Variants in MAP2K1 observed in about 807,000 individuals in gnomAD.
The protein encoded by MAP2K1 is dual specificity mitogen-activated protein kinase kinase 1.
A neutral mutation model predicts 46.3 loss-of-function variants in MAP2K1; 16 were observed. The ratio of observed to expected loss-of-function variants is 0.35; its 90% CI spans 0.23 to 0.52. The LOEUF (loss-of-function observed/expected upper bound fraction) is 0.52, where lower values mean the gene tolerates loss of function less well. Ranked by LOEUF, MAP2K1 falls within the 20% of genes least tolerant of loss-of-function variation. The pLI is 0.94. For missense variants in MAP2K1, 263 were observed against 497.1 expected (o/e 0.53, Z 4.48); for synonymous variants, 183 against 185.6 (o/e 0.99, Z 0.11).
chr15:66,433,638 A>G (rs537307566), intron 1 of MAP2K1, among the ~76,000 whole-genome samples: 1 of 152,238 alleles, frequency 6.6e-6, no homozygotes, highest in East Asian at 1.9e-4. Flanking sequence ...GAGGTTTGGG[A>G]TAGAGGGTGT....
At chr15:66,489,602 T>TCAAG in intron 9 of MAP2K1, 116 bp from the exon 10 acceptor site, 1 of 845,400 alleles carries the variant, frequency 1.2e-6, no homozygotes, top group South Asian at 1.3e-5. Flanking sequence ...GGAGGATGAA[T>TCAAG]CAAGCCCAGG....
chr15:66,409,536 C>T (rs2093406233), intron 1 of MAP2K1, among the ~76,000 whole-genome samples: 2 of 152,156 alleles, frequency 1.3e-5, no homozygotes, highest in East Asian at 1.9e-4. Flanking sequence ...TCCTCCGCCA[C>T]GCCTCTGGGG....
In MAP2K1 at chr15:66,469,250, C is replaced by T. The variant is rs181823648; in HGVS notation, c.569-12505C>T. ...CAGCCTGGGCGACAGAGCAAGACTCCGTCTCAAAATAAAAGTTTTTTAAAC... is the reference window on the plus strand; with the variant it reads ...CAGCCTGGGCGACAGAGCAAGACTCTGTCTCAAAATAAAAGTTTTTTAAAC... On this transcript the variant is annotated intron_variant, in intron 5 of 10. Coordinates refer to ENST00000307102, the MANE Select transcript of MAP2K1 (RefSeq NM_002755.4). Among the ~76,000 whole-genome samples the T allele has an allele frequency of 3.0e-3, 461 of 152,250 alleles. 1 individual carries two copies. Among genetic ancestry groups the T allele is most frequent in the African/African-American group, 0.01 (421 of 41,570 alleles).
chr15:66,469,792 A>G (rs1286574941), intron 5 of MAP2K1, among the ~76,000 whole-genome samples: 1 of 148,088 alleles, frequency 6.8e-6, no homozygotes, highest in Non-Finnish European at 1.5e-5. Context: ...ATCTGTTTAA[A>G]TCTCATTGCC....
chr15:66,419,849 C>G (rs1316552547), intron 1 of MAP2K1, among the ~76,000 whole-genome samples: 1 of 151,868 alleles, frequency 6.6e-6, no homozygotes, highest in Non-Finnish European at 1.5e-5. Flanking sequence ...ATATGTGATT[C>G]TTATTCTACC....
At chr15:66,396,617 G>A (rs114578421) in intron 1 of MAP2K1, among the ~76,000 whole-genome samples, 1,889 of 152,182 alleles carry the variant, frequency 0.012, 33 homozygotes, top group African/African-American at 0.042. Context: ...TATCTCCAAT[G>A]TGTGTAGTCT....
rs576922968 is a variant in MAP2K1, at chr15:66,490,697, C to T, written c.*82C>T. The T allele has an allele frequency of 2.1e-6, 2 of 951,160 alleles. No individual in the cohort carries two copies. The highest frequency in any genetic ancestry group is 3.5e-5 in the Admixed American group (2 of 57,622). 58.9% of individuals were successfully genotyped at this position (951,160 alleles called of 1,614,324 possible). ...TTGGGCCTCCTTCCCATGCCTGTCT[C>T]TGTTCAGATGTGCATTTCACCTGTG... On this transcript the variant is annotated 3_prime_UTR_variant, in exon 11 of 11. Coordinates refer to ENST00000307102, the MANE Select transcript of MAP2K1 (RefSeq NM_002755.4).
chr15:66,487,094 C>T, intron 7 of MAP2K1, 134 bp from the exon 8 acceptor site: 1 of 740,580 alleles, frequency 1.4e-6, no homozygotes, highest in Non-Finnish European at 2.4e-6. Context: ...TGTGTTCAAG[C>T]CTTATCTGTG....
intron 1 of MAP2K1, among the ~76,000 whole-genome samples, chr15:66,395,737 G>C (rs546519922): frequency 6.6e-6 from 1 of 151,014 alleles, no homozygotes; most frequent in Non-Finnish European, 1.5e-5. Flanking sequence ...CCACCACGCC[G>C]GGCTAATTCT....
rs150058972 is a variant in MAP2K1 at position 66,417,316 on chromosome 15, T to C, written c.81-17711T>C. On this transcript the variant is annotated intron_variant, in intron 1 of 10. Transcript: ENST00000307102. ...CAGGTGCAGTGTCTTACGCCTGTAA[T>C]CCCCGCACTTTGGGAGGCTTAGGTG... 2.1e-4 allele frequency among the ~76,000 whole-genome samples: 32 copies of C among 152,254 alleles called. No individual in the cohort carries two copies. The East Asian group carries it at 5.0e-3, about 24-fold the overall frequency.
At chr15:66,430,262 G>A (rs889841919) in intron 1 of MAP2K1, among the ~76,000 whole-genome samples, 1 of 152,080 alleles carries the variant, frequency 6.6e-6, no homozygotes. Flanking sequence ...ATGCCACAGG[G>A]GAAGGAGAAC....
At chr15:66,396,225 C>T (rs1042646881) in intron 1 of MAP2K1, among the ~76,000 whole-genome samples, 2 of 152,046 alleles carry the variant, frequency 1.3e-5, no homozygotes, top group African/African-American at 2.4e-5. Context: ...TGTCGTGATC[C>T]GCCCTCCTCG....
At chr15:66,408,521 C>T (rs1247033437) in intron 1 of MAP2K1, among the ~76,000 whole-genome samples, 2 of 151,822 alleles carry the variant, frequency 1.3e-5, no homozygotes, top group Non-Finnish European at 2.9e-5. Flanking sequence ...GGAAGATTTC[C>T]TGATGTATGT....
At chr15:66,425,051 C>T (rs2093454223) in intron 1 of MAP2K1, among the ~76,000 whole-genome samples, 1 of 152,066 alleles carries the variant, frequency 6.6e-6, no homozygotes, top group South Asian at 2.1e-4. Flanking sequence ...CCGCCTCGGC[C>T]TCCTAAAGTG....
intron 5 of MAP2K1, among the ~76,000 whole-genome samples, chr15:66,449,554 A>G (rs1891977701): frequency 6.6e-6 from 1 of 152,218 alleles, no homozygotes; most frequent in South Asian, 2.1e-4. Context: ...AGGTGTGAAC[A>G]TTTTTGAAAA....
At chr15:66,480,263 A>G (rs1464698893) in intron 5 of MAP2K1, among the ~76,000 whole-genome samples, 1 of 151,774 alleles carries the variant, frequency 6.6e-6, no homozygotes, top group African/African-American at 2.4e-5. Context: ...TAATTTTTGT[A>G]TTTTTAGTAG....
intron 5 of MAP2K1, among the ~76,000 whole-genome samples, chr15:66,470,570 A>G (rs1892609007): frequency 6.6e-6 from 1 of 152,222 alleles, no homozygotes; most frequent in Non-Finnish European, 1.5e-5. Context: ...TGTACAGCAA[A>G]ATAAACTTTA....
rs761330415 is a variant in MAP2K1, at chr15:66,490,663, A to G, written c.*48A>G. ...CGAGTCCCCTGCCCGGTGGTTTGCCATGTCGCTTTTGGGCCTCCTTCCCAT... is the reference window on the plus strand; with the variant it reads ...CGAGTCCCCTGCCCGGTGGTTTGCCGTGTCGCTTTTGGGCCTCCTTCCCAT... On this transcript the variant is annotated 3_prime_UTR_variant, in exon 11 of 11. Coordinates refer to ENST00000307102, the MANE Select transcript of MAP2K1 (RefSeq NM_002755.4). The G allele has an allele frequency of 8.8e-6, 13 of 1,482,504 alleles. No individual in the cohort carries two copies. The highest frequency in any genetic ancestry group is 1.7e-5 in the Admixed American group (1 of 59,828). The allele number at this position is 1,482,504 out of a possible 1,614,324, so 91.8% of individuals were successfully genotyped here.
At chr15:66,462,558 G>A (rs1892352948) in intron 5 of MAP2K1, among the ~76,000 whole-genome samples, 2 of 151,148 alleles carry the variant, frequency 1.3e-5, no homozygotes, top group Non-Finnish European at 2.9e-5. Context: ...TGGGTGATGG[G>A]TACATGGTTA....
Sources: allele counts gnomAD v4.1 joint callset (sites outside exome capture counted in the v4.1 genomes callset), GRCh38; gene constraint gnomAD v4.1.1; transcripts MANE v1.5; gene names NCBI Gene and HGNC (gene_info 2026-07-23, HGNC 2026-07-21).